The following GYG2 variants were observed in gnomAD, a reference collection of about 807,000 sequenced individuals.
The protein encoded by GYG2 is glycogenin-2.
In GYG2, 29 loss-of-function variants were observed where a neutral mutation model predicts 29.4. The ratio of observed to expected loss-of-function variants is 0.99; its 90% confidence interval spans 0.74 to 1.35. The LOEUF (loss-of-function observed/expected upper bound fraction) is 1.35. GYG2 is among the 40% of genes most tolerant of loss of function. The pLI is 0.00. For synonymous variants in GYG2, 167 were observed against 172.3 expected (o/e 0.97, Z 0.24); for missense variants, 370 against 385.7 (o/e 0.96, Z 0.34).
chrX:2,860,320 C>G (rs2088129369), intron 7 of GYG2, among the ~76,000 whole-genome samples: 1 of 111,316 alleles, frequency 9.0e-6, no homozygotes, highest in South Asian at 3.8e-4. Flanking sequence ...AATTAGCCAT[C>G]CTCATCAGAG....
chrX:2,869,667 A>G (rs988625483), intron 8 of GYG2, among the ~76,000 whole-genome samples: 1 of 112,212 alleles, frequency 8.9e-6, no homozygotes, highest in Non-Finnish European at 1.9e-5. Flanking sequence ...TGTTTTTGAG[A>G]CAGGGTCTCG....
At chrX:2,877,963 A>T (rs1357541997) in intron 10 of GYG2, 3 of 752,773 alleles carry the variant, frequency 4.0e-6, no homozygotes, top group Non-Finnish European at 3.1e-6. Flanking sequence ...TGTTGGCTAA[A>T]TGCCTTCCCT....
At chrX:2,836,987 C>T (rs1183546103) in intron 2 of GYG2, among the ~76,000 whole-genome samples, 12 of 111,071 alleles carry the variant, frequency 1.1e-4, no homozygotes, top group Non-Finnish European at 2.3e-4. Context: ...ACCACCACAA[C>T]GTAATGAACA....
At chrX:2,837,341 C>A (rs1042081816) in intron 2 of GYG2, among the ~76,000 whole-genome samples, 5 of 112,202 alleles carry the variant, frequency 4.5e-5, no homozygotes, top group African/African-American at 1.6e-4. Flanking sequence ...GCTAAATATT[C>A]TGCAAAGCTT....
intron 8 of GYG2, among the ~76,000 whole-genome samples, chrX:2,867,557 G>A (rs910140232): frequency 1.8e-5 from 2 of 111,352 alleles, no homozygotes; most frequent in Admixed American, 9.6e-5. Flanking sequence ...ACAGCCGGAG[G>A]GGGGACGCCT....
intron 8 of GYG2, among the ~76,000 whole-genome samples, chrX:2,871,070 C>T (rs1019962348): frequency 1.8e-5 from 2 of 109,740 alleles, no homozygotes; most frequent in African/African-American, 6.6e-5. Context: ...TTGCCCAGAC[C>T]CTATCTGGGG....
chrX:2,881,329 A>G lies in GYG2; in HGVS notation c.*116A>G, dbSNP rs1453771026. On this transcript the variant is annotated 3_prime_UTR_variant, in exon 11 of 11. Coordinates refer to ENST00000398806, the MANE Select transcript of GYG2 (RefSeq NM_001079855.2). ...AAACGCTGTTGAACCTTGTGCCTCT[A>G]TTTATGCTTAATCCATTTGAGTGCC... 4.9e-6 allele frequency: 3 copies of G among 609,244 alleles called. No homozygotes were observed. Among genetic ancestry groups the G allele is most frequent in the Non-Finnish European group, 7.3e-6 (3 of 409,836 alleles). 50.2% of individuals were successfully genotyped at this position (609,244 alleles called of 1,213,427 possible).
intron 2 of GYG2, among the ~76,000 whole-genome samples, chrX:2,836,032 T>A (rs2087364584): frequency 9.0e-6 from 1 of 110,642 alleles, no homozygotes; most frequent in African/African-American, 3.3e-5. Context: ...GGAGAGCAAG[T>A]TCCAGGTGAG....
chrX:2,860,259 A>G (rs754948216), intron 7 of GYG2, among the ~76,000 whole-genome samples, 194 bp downstream of exon 7: 2 of 111,318 alleles, frequency 1.8e-5, no homozygotes, highest in African/African-American at 6.5e-5. Flanking sequence ...ATGCCTAATG[A>G]CTGGAGATCC....
intron 10 of GYG2, chrX:2,877,687 T>C (rs1603460487): frequency 1.3e-6 from 1 of 750,405 alleles, no homozygotes; most frequent in African/African-American, 2.3e-5. Context: ...CGAATCCAAA[T>C]GGGGCATGCA....
chrX:2,836,932 G>A (rs1395202275), intron 2 of GYG2, among the ~76,000 whole-genome samples: 4 of 111,369 alleles, frequency 3.6e-5, no homozygotes, highest in African/African-American at 1.3e-4. Context: ...ATATCACTGC[G>A]CTCCAGCCTG....
At chrX:2,834,840 G>A (rs771859034) in intron 2 of GYG2, among the ~76,000 whole-genome samples, 1 of 111,849 alleles carries the variant, frequency 8.9e-6, no homozygotes, top group African/African-American at 3.2e-5. Context: ...TAAAACTCAT[G>A]TCCCCCCAGA....
intron 3 of GYG2, among the ~76,000 whole-genome samples, chrX:2,845,727 A>T (rs2087699226): frequency 9.5e-6 from 1 of 105,630 alleles, no homozygotes; most frequent in African/African-American, 3.4e-5. Context: ...ATATTTATGC[A>T]TGTGTACGTA....
At chrX:2,856,963 T>TTATCTATC (rs71989016) in intron 6 of GYG2, among the ~76,000 whole-genome samples, 1 of 63,616 alleles carries the variant, frequency 1.6e-5, no homozygotes, top group African/African-American at 9.5e-5. Context: ...AGACATCTGT[T>TTATCTATC]TATCTATCTA....
At chrX:2,831,524 T>G (rs1040409063) in intron 2 of GYG2, among the ~76,000 whole-genome samples, 17 of 111,707 alleles carry the variant, frequency 1.5e-4, no homozygotes, top group African/African-American at 5.2e-4. Context: ...TTTCATGAGG[T>G]GTACTGGAAG....
intron 8 of GYG2, 83 bp from the exon 9 acceptor site, chrX:2,875,727 A>AATACCC: frequency 3.2e-6 from 2 of 625,652 alleles, no homozygotes; most frequent in Non-Finnish European, 5.2e-6. Context: ...GGCAGAAAAA[A>AATACCC]ATGGAGTGGG....
rs758377493 is a variant in GYG2, at chrX:2,881,598, C to T, written c.*385C>T. On this transcript the variant is annotated 3_prime_UTR_variant, in exon 11 of 11. Transcript: ENST00000398806. Reference sequence around the variant, plus strand: ...AGACCTACCCTATTCAGAATTAAACCTCACTGCAAATTTCCTCCCATCACG... The same window carrying T: ...AGACCTACCCTATTCAGAATTAAACTTCACTGCAAATTTCCTCCCATCACG... 6.2e-4 allele frequency: 77 copies of T among 123,345 alleles called. 1 individual carries two copies. Among genetic ancestry groups the T allele is most frequent in the African/African-American group, 2.4e-3 (74 of 31,115 alleles). 10.2% of individuals were successfully genotyped at this position (123,345 alleles called of 1,213,427 possible). A position where few individuals can be genotyped will look rare whatever the true frequency, so the allele number is the denominator to read the frequency against.
At chrX:2,870,058 G>A (rs2088422716) in intron 8 of GYG2, among the ~76,000 whole-genome samples, 2 of 110,175 alleles carry the variant, frequency 1.8e-5, no homozygotes, top group South Asian at 7.7e-4. Context: ...AGTATTTGGG[G>A]TAGGGAAATG....
rs149414833 is a variant in GYG2 at position 2,843,887 on chromosome X, C to T, written c.149+533C>T. ...GAACTCCTGGACTCACTCAGTCCAC[C>T]CAGGTTGGCCTCCCAAAGTGCTGGG... On this transcript the variant is annotated intron_variant, in intron 3 of 10. Transcript: ENST00000398806. Among the ~76,000 whole-genome samples the T allele has an allele frequency of 5.7e-3, 639 of 112,154 alleles. 8 individuals carry two copies. The highest frequency in any genetic ancestry group is 0.019 in the African/African-American group (576 of 30,904).
Sources: gnomAD v4.1 joint callset for allele counts (sites outside exome capture counted in the v4.1 genomes callset) on GRCh38, gnomAD v4.1.1 for gene constraint, MANE v1.5 for transcripts, NCBI Gene and HGNC (gene_info 2026-07-23, HGNC 2026-07-21) for gene names.